The following STK33 variants were observed in gnomAD, a reference collection of about 807,000 sequenced individuals.
The protein encoded by STK33 is serine/threonine-protein kinase 33.
Under a neutral mutation model 58.0 loss-of-function variants are expected in STK33, and 52 were observed. That is an observed-to-expected ratio of 0.90 (90% CI 0.72 to 1.13). The LOEUF (loss-of-function observed/expected upper bound fraction) is 1.13. STK33 is among the 50% of genes most tolerant of loss of function. The probability of loss-of-function intolerance (pLI) is 0.00; values close to 1 mark genes in which losing one functional copy is unlikely to be tolerated. For synonymous variants in STK33, 215 were observed against 200.1 expected, an observed-to-expected ratio of 1.07 and a Z score of -0.63; for missense variants, 630 against 604.2, an observed-to-expected ratio of 1.04 and a Z score of -0.45.
chr11:8,496,429 T>G (rs368823648), intron 1 of STK33, among the ~76,000 whole-genome samples: 18 of 152,208 alleles, frequency 1.2e-4, no homozygotes, highest in African/African-American at 4.3e-4. Flanking sequence ...CTGTTTTGTA[T>G]AATAGCAGAT....
At chr11:8,335,366 C>T in the STK33 span, among the ~76,000 whole-genome samples, 1 of 152,196 alleles carries the variant, frequency 6.6e-6, no homozygotes, top group Admixed American at 6.5e-5. Flanking sequence ...CTGACGCTCC[C>T]AGCCACCAAT....
chr11:8,385,930 A>G, the STK33 span, among the ~76,000 whole-genome samples: 73,561 of 151,322 alleles, frequency 0.49, 18,307 homozygotes, highest in South Asian at 0.62. Context: ...ACCCGCCACC[A>G]CGCCCGGCTA....
chr11:8,445,511 T>C (rs1293616314), intron 11 of STK33, among the ~76,000 whole-genome samples: 2 of 152,202 alleles, frequency 1.3e-5, no homozygotes, highest in East Asian at 1.9e-4. Context: ...ATATTCGCTG[T>C]TGGTGTGTCA....
intron 12 of STK33, 21 bp downstream of exon 12, chr11:8,440,657 T>G: frequency 6.5e-7 from 1 of 1,548,642 alleles, no homozygotes; most frequent in Non-Finnish European, 8.8e-7. Flanking sequence ...TCTTAAAGTG[T>G]ACATTTAGCA....
At chr11:8,491,380 GAGA>G (rs1950597235) in intron 1 of STK33, among the ~76,000 whole-genome samples, 1 of 152,138 alleles carries the variant, frequency 6.6e-6, no homozygotes, top group Non-Finnish European at 1.5e-5. Context: ...AAAGCAAGAG[GAGA>G]AGTTTAGAGA....
intron 6 of STK33, chr11:8,466,337 A>G (rs539725080): frequency 6.6e-6 from 1 of 152,268 alleles, no homozygotes; most frequent in Non-Finnish European, 1.5e-5. Context: ...CTTCCTAGAT[A>G]CAATGGGGGT....
intron 1 of STK33, among the ~76,000 whole-genome samples, chr11:8,586,845 A>T (rs1202933391): frequency 6.6e-6 from 1 of 151,072 alleles, no homozygotes; most frequent in Non-Finnish European, 1.5e-5. Flanking sequence ...AAAAAAAAAA[A>T]AAAAATTATT....
At chr11:8,407,483 A>G (rs1398409930) in intron 15 of STK33, among the ~76,000 whole-genome samples, 1 of 152,126 alleles carries the variant, frequency 6.6e-6, no homozygotes, top group Non-Finnish European at 1.5e-5. Context: ...TCTTTTTAGT[A>G]AAGTTCTTTA....
chr11:8,481,106 T>C lies in STK33; in HGVS notation c.-465-492A>G, dbSNP rs144465966. On this transcript the variant is annotated intron_variant, in intron 1 of 15. Coordinates refer to ENST00000687296, the MANE Select transcript of STK33 (RefSeq NM_001352389.2). ...GGTAGTTAGCTGAGGAAATGTGTGA[T>C]GTAACATTCTGACTTGGATGTTTCA... 1.7e-3 allele frequency among the ~76,000 whole-genome samples: 253 copies of C among 152,286 alleles called. 2 individuals are homozygous for C. The highest frequency in any genetic ancestry group is 5.9e-3 in the African/African-American group (247 of 41,568).
chr11:8,588,412 C>T (rs978879473), intron 1 of STK33, among the ~76,000 whole-genome samples: 5 of 152,238 alleles, frequency 3.3e-5, no homozygotes, highest in South Asian at 2.1e-4. Context: ...ACATGCCTGA[C>T]GAGTTGACTT....
chr11:8,403,759 C>T (rs988143754), intron 15 of STK33, among the ~76,000 whole-genome samples: 4 of 152,166 alleles, frequency 2.6e-5, no homozygotes, highest in Non-Finnish European at 5.9e-5. Flanking sequence ...TCCATGTGTG[C>T]AAGGGGAGAT....
rs200514059 is a variant in STK33, at chr11:8,452,920, T to C, written c.787-14A>G. 6 of 1,611,402 alleles carry C rather than the reference T, an allele frequency of 3.7e-6. No homozygotes were observed. Among genetic ancestry groups the C allele is most frequent in the Non-Finnish European group, 5.1e-6 (6 of 1,177,640 alleles). ...AAAATCAGTCACCTGGGAGAAGAAA[T>C]TCAAGCACAGTCACCTGTTTTCCTG... is the stretch of plus-strand genomic sequence containing the variant. On this transcript the variant is annotated splice_polypyrimidine_tract_variant and intron_variant, in intron 10 of 15. Transcript: ENST00000687296.
intron 1 of STK33, among the ~76,000 whole-genome samples, chr11:8,568,797 G>A (rs1178636997): frequency 6.6e-6 from 1 of 152,098 alleles, no homozygotes; most frequent in Admixed American, 6.6e-5. Context: ...TTTGTAGACA[G>A]ACCTTAATGG....
downstream of STK33, among the ~76,000 whole-genome samples, chr11:8,387,375 G>T (rs904481631): frequency 1.3e-5 from 2 of 152,194 alleles, no homozygotes; most frequent in African/African-American, 4.8e-5. Context: ...CCAGGTTCCA[G>T]TTTACGTTCT....
rs548387113 is a variant in STK33 at position 8,477,815 on chromosome 11, T to C, written c.-260-532A>G. ...ACTTTCTCGCTCCAGTCTTCTAATT[T>C]ATCAGTTGCCTTAGAAGTACTTGGT... On this transcript the variant is annotated intron_variant, in intron 2 of 15. Coordinates refer to ENST00000687296, the MANE Select transcript of STK33 (RefSeq NM_001352389.2). 3.9e-5 allele frequency among the ~76,000 whole-genome samples: 6 copies of C among 152,320 alleles called. No homozygotes were observed. The East Asian group carries it at 1.2e-3, about 29-fold the overall frequency.
At chr11:8,350,345 A>G in the STK33 span, among the ~76,000 whole-genome samples, 1 of 152,224 alleles carries the variant, frequency 6.6e-6, no homozygotes, top group African/African-American at 2.4e-5. Flanking sequence ...GGAGAGCAAC[A>G]TAGAAAGAGC....
In STK33 at chr11:8,473,299, A is replaced by C. The variant is rs369906774; in HGVS notation, c.226-23T>G. 3.6e-4 allele frequency: 517 copies of C among 1,421,618 alleles called. 3 individuals carry two copies. In the African/African-American group the frequency reaches 6.8e-3, roughly 19 times the overall value. 88.1% of individuals were successfully genotyped at this position (1,421,618 alleles called of 1,614,324 possible). On this transcript the variant is annotated intron_variant, in intron 5 of 15. Coordinates refer to ENST00000687296, the MANE Select transcript of STK33 (RefSeq NM_001352389.2). ...GGGCTGGGACCAAAAAAAAAATTAA[A>C]AAAAAAAAACTTTAAGATGTAATAT...
At chr11:8,423,037 T>C (rs146027864) in intron 14 of STK33, among the ~76,000 whole-genome samples, 1,840 of 149,916 alleles carry the variant, frequency 0.012, 37 homozygotes, top group African/African-American at 0.042. Context: ...GGACAGGGTC[T>C]CACTATGTTG....
the STK33 span, among the ~76,000 whole-genome samples, chr11:8,352,158 G>T: frequency 6.6e-6 from 1 of 152,196 alleles, no homozygotes; most frequent in African/African-American, 2.4e-5. Context: ...GCAGTGGTTT[G>T]GGGGAAAAGG....
Sources: allele counts gnomAD v4.1 joint callset (sites outside exome capture counted in the v4.1 genomes callset), GRCh38; gene constraint gnomAD v4.1.1; transcripts MANE v1.5; gene names NCBI Gene and HGNC (gene_info 2026-07-23, HGNC 2026-07-21).